Variants in CNTN4 observed in about 807,000 individuals in gnomAD.
CNTN4 encodes the protein contactin 4.
A neutral mutation model predicts 122.5 loss-of-function variants in CNTN4; 77 were observed. That is an observed-to-expected ratio of 0.63 (90% CI 0.52 to 0.76). The LOEUF is 0.76. Ranked by LOEUF, CNTN4 falls within the 30% of genes least tolerant of loss-of-function variation. CNTN4 has a pLI of 0.00. For missense variants in CNTN4, 1,256 were observed against 1,259.1 expected (o/e 1.00, Z 0.04); for synonymous variants, 512 against 447.0 (o/e 1.15, Z -1.83).
intron 3 of CNTN4, among the ~76,000 whole-genome samples, chr3:2,459,991 G>A (rs2049144199): frequency 6.6e-6 from 1 of 152,128 alleles, no homozygotes; most frequent in Non-Finnish European, 1.5e-5. Context: ...GATAGCGCAT[G>A]AGAGAGCTAT....
At chr3:3,008,961 G>C in intron 14 of CNTN4, 1 of 985,262 alleles carries the variant, frequency 1.0e-6, no homozygotes, top group South Asian at 4.7e-5. Context: ...TGGGCTGCAC[G>C]GCTTCAAACT....
At chr3:2,305,689 G>T (rs149268845) in intron 2 of CNTN4, among the ~76,000 whole-genome samples, 2 of 151,972 alleles carry the variant, frequency 1.3e-5, no homozygotes. Flanking sequence ...CAAGTCAGTG[G>T]TTTGTAGTAT....
At position 3,056,300 on chromosome 3, in the gene CNTN4, A is replaced by C; in HGVS notation, c.*80A>C. 2.9e-6 allele frequency: 3 copies of C among 1,030,056 alleles called. No individual in the cohort carries two copies. In the South Asian group the frequency reaches 3.8e-5, roughly 13 times the overall value. 63.8% of individuals were successfully genotyped at this position (1,030,056 alleles called of 1,614,324 possible). A position where few individuals can be genotyped will look rare whatever the true frequency, so the allele number is the denominator to read the frequency against. On this transcript the variant is annotated 3_prime_UTR_variant, in exon 25 of 25. Coordinates refer to ENST00000418658, the MANE Select transcript of CNTN4 (RefSeq NM_175607.3). Reference sequence around the variant, plus strand: ...GTTTTGAAGACACCCAGTACTAAGTAATATTGTTGTTCAAGTACATCTTAT... The same window carrying C: ...GTTTTGAAGACACCCAGTACTAAGTCATATTGTTGTTCAAGTACATCTTAT...
chr3:2,545,986 A>G (rs951755483), intron 3 of CNTN4, among the ~76,000 whole-genome samples: 1 of 152,096 alleles, frequency 6.6e-6, no homozygotes, highest in African/African-American at 2.4e-5. Flanking sequence ...ACACCACTCA[A>G]AATAGCTATT....
At chr3:2,513,234 C>G (rs541502715) in intron 3 of CNTN4, among the ~76,000 whole-genome samples, 3 of 152,154 alleles carry the variant, frequency 2.0e-5, no homozygotes, top group Non-Finnish European at 4.4e-5. Flanking sequence ...AAAGGCTGGC[C>G]TCATGCCTTC....
chr3:2,509,983 G>T (rs1200891129), intron 3 of CNTN4, among the ~76,000 whole-genome samples: 1 of 152,170 alleles, frequency 6.6e-6, no homozygotes, highest in Non-Finnish European at 1.5e-5. Flanking sequence ...GGTAGACACA[G>T]TTTGTGTACA....
At chr3:2,774,380 T>G (rs1415986297) in intron 6 of CNTN4, among the ~76,000 whole-genome samples, 1 of 152,168 alleles carries the variant, frequency 6.6e-6, no homozygotes, top group South Asian at 2.1e-4. Flanking sequence ...CTACCGCCAT[T>G]GTTCCTTCTC....
chr3:2,784,093 T>A (rs1294356462), intron 6 of CNTN4, among the ~76,000 whole-genome samples: 1 of 152,194 alleles, frequency 6.6e-6, no homozygotes, highest in Non-Finnish European at 1.5e-5. Context: ...CCTGCTGAAA[T>A]TTCTACATAT....
chr3:2,560,341 C>A (rs769017064), intron 3 of CNTN4, among the ~76,000 whole-genome samples: 1 of 152,010 alleles, frequency 6.6e-6, no homozygotes, highest in East Asian at 1.9e-4. Context: ...GGGGTTTCAC[C>A]ATGTTGCTCA....
At chr3:2,388,989 C>A (rs2046347779) in intron 3 of CNTN4, among the ~76,000 whole-genome samples, 1 of 151,650 alleles carries the variant, frequency 6.6e-6, no homozygotes, top group Non-Finnish European at 1.5e-5. Context: ...GAAACCCTGT[C>A]TCTGCTAAAA....
At chr3:2,675,669 G>T (rs1249261714) in intron 4 of CNTN4, among the ~76,000 whole-genome samples, 1 of 152,168 alleles carries the variant, frequency 6.6e-6, no homozygotes, top group Non-Finnish European at 1.5e-5. Flanking sequence ...CATTGAATGG[G>T]AGGAAATAGC....
chr3:3,031,752 A>G (rs1344235289), intron 16 of CNTN4, among the ~76,000 whole-genome samples: 3 of 152,192 alleles, frequency 2.0e-5, no homozygotes, highest in African/African-American at 7.2e-5. Context: ...GGGGTTTTCT[A>G]TAGCATTAAA....
intron 3 of CNTN4, among the ~76,000 whole-genome samples, chr3:2,391,774 T>TCTC (rs1173129102): frequency 6.6e-6 from 1 of 152,132 alleles, no homozygotes; most frequent in Non-Finnish European, 1.5e-5. Context: ...CTTTTGAGAA[T>TCTC]CAAAGACTGC....
intron 3 of CNTN4, among the ~76,000 whole-genome samples, chr3:2,559,883 A>G (rs1319023536): frequency 6.6e-6 from 1 of 152,228 alleles, no homozygotes; most frequent in African/African-American, 2.4e-5. Flanking sequence ...TGCAAGCTCC[A>G]TGATAGCAGG....
intron 2 of CNTN4, among the ~76,000 whole-genome samples, chr3:2,111,494 A>G (rs139626712): frequency 0.014 from 2,169 of 152,250 alleles, 19 homozygotes; most frequent in Middle Eastern, 0.041. Flanking sequence ...CCCCAAAATA[A>G]TGAATCCCAT....
intron 7 of CNTN4, among the ~76,000 whole-genome samples, chr3:2,863,444 C>CTTTTTTTT (rs5846228): frequency 7.0e-4 from 65 of 92,354 alleles, no homozygotes; most frequent in African/African-American, 2.2e-3. Flanking sequence ...ATGGTTTCTT[C>CTTTTTTTT]TTTTTTTTTT....
At chr3:2,705,307 G>T (rs1350085060) in intron 4 of CNTN4, among the ~76,000 whole-genome samples, 5 of 144,484 alleles carry the variant, frequency 3.5e-5, no homozygotes, top group Non-Finnish European at 7.5e-5. Flanking sequence ...GGCAGAGCTT[G>T]CAGTGAGCCG....
At chr3:2,719,380 C>T (rs926550018) in intron 4 of CNTN4, among the ~76,000 whole-genome samples, 3 of 151,508 alleles carry the variant, frequency 2.0e-5, no homozygotes, top group Admixed American at 6.6e-5. Context: ...ACTGCAACCT[C>T]GCCTCCTGGG....
At chr3:2,601,738 T>C (rs1559291319) in intron 4 of CNTN4, among the ~76,000 whole-genome samples, 1 of 152,062 alleles carries the variant, frequency 6.6e-6, no homozygotes, top group Non-Finnish European at 1.5e-5. Flanking sequence ...TCCAATTCTG[T>C]GAAGAAAGTC....
Sources: gnomAD v4.1 joint callset for allele counts (sites outside exome capture counted in the v4.1 genomes callset) on GRCh38, gnomAD v4.1.1 for gene constraint, MANE v1.5 for transcripts, NCBI Gene and HGNC (gene_info 2026-07-23, HGNC 2026-07-21) for gene names.